Variants in PLCL1 observed in about 807,000 individuals in gnomAD.
The protein encoded by PLCL1 is inactive phospholipase C-like protein 1.
A neutral mutation model predicts 84.4 loss-of-function variants in PLCL1; 41 were observed. That is an observed-to-expected ratio of 0.49 (90% CI 0.38 to 0.63). The LOEUF (loss-of-function observed/expected upper bound fraction) is 0.63. PLCL1 is among the 30% of genes least tolerant of loss of function. The pLI, the probability that PLCL1 is intolerant of heterozygous loss-of-function variation, is 0.00. For synonymous variants in PLCL1, 490 were observed against 488.3 expected (o/e 1.00, Z -0.05); for missense variants, 1,206 against 1,367.8 (o/e 0.88, Z 1.87).
intron 1 of PLCL1, among the ~76,000 whole-genome samples, chr2:197,971,419 G>T (rs1689861531): frequency 6.6e-6 from 1 of 152,180 alleles, no homozygotes; most frequent in Non-Finnish European, 1.5e-5. Context: ...TACCAAATAG[G>T]CTGGAAAACA....
intron 1 of PLCL1, among the ~76,000 whole-genome samples, chr2:197,976,032 A>G (rs938659182): frequency 1.3e-5 from 2 of 151,158 alleles, no homozygotes; most frequent in Non-Finnish European, 3.0e-5. Context: ...TTTTCCCTTA[A>G]TATTTCCCTA....
intron 1 of PLCL1, among the ~76,000 whole-genome samples, chr2:197,836,782 A>G (rs1014666042): frequency 6.6e-6 from 1 of 152,174 alleles, no homozygotes; most frequent in African/African-American, 2.4e-5. Context: ...GTGCAGTGAC[A>G]TGATCATGGC....
chr2:198,029,127 C>A (rs1186033940), intron 1 of PLCL1, among the ~76,000 whole-genome samples: 1 of 152,158 alleles, frequency 6.6e-6, no homozygotes, highest in Non-Finnish European at 1.5e-5. Context: ...CTCTCTGATG[C>A]TGAGACTAAA....
intron 3 of PLCL1, among the ~76,000 whole-genome samples, chr2:198,092,434 G>A (rs1693068292): frequency 1.3e-5 from 2 of 152,172 alleles, no homozygotes; most frequent in Admixed American, 6.5e-5. Context: ...TCAAATTAGA[G>A]TAATTAGCAT....
intron 1 of PLCL1, among the ~76,000 whole-genome samples, chr2:197,916,649 C>A (rs1559044151): frequency 6.6e-6 from 1 of 151,746 alleles, no homozygotes; most frequent in Non-Finnish European, 1.5e-5. Flanking sequence ...GTTAAGAGAG[C>A]AGGCTTTCAG....
intron 1 of PLCL1, among the ~76,000 whole-genome samples, chr2:197,903,179 T>C (rs1468401737): frequency 6.6e-6 from 1 of 152,174 alleles, no homozygotes; most frequent in African/African-American, 2.4e-5. Context: ...TTAAGGATCA[T>C]ATAATAAATG....
At chr2:197,918,468 A>T (rs998645684) in intron 1 of PLCL1, among the ~76,000 whole-genome samples, 1 of 152,244 alleles carries the variant, frequency 6.6e-6, no homozygotes, top group Non-Finnish European at 1.5e-5. Context: ...AACTATAAAA[A>T]CATGTACCAT....
intron 1 of PLCL1, among the ~76,000 whole-genome samples, chr2:197,963,589 A>T (rs1292021644): frequency 6.6e-6 from 1 of 151,994 alleles, no homozygotes; most frequent in Non-Finnish European, 1.5e-5. Flanking sequence ...TTTTAACTTG[A>T]TGTGATCCCA....
At chr2:197,991,127 G>T (rs1690337981) in intron 1 of PLCL1, among the ~76,000 whole-genome samples, 1 of 152,100 alleles carries the variant, frequency 6.6e-6, no homozygotes, top group Admixed American at 6.6e-5. Flanking sequence ...GTGAAGTCGG[G>T]CATCATCCAA....
chr2:197,967,794 T>A (rs778230034), intron 1 of PLCL1, among the ~76,000 whole-genome samples: 10 of 152,218 alleles, frequency 6.6e-5, no homozygotes, highest in Non-Finnish European at 1.3e-4. Context: ...ATCATGCATA[T>A]GAACTTTGAA....
chr2:197,913,625 TCAGA>T (rs1482127785), intron 1 of PLCL1, among the ~76,000 whole-genome samples: 1 of 152,230 alleles, frequency 6.6e-6, no homozygotes, highest in African/African-American at 2.4e-5. Context: ...TAAACATTTA[TCAGA>T]CAGCTTGCTT....
chr2:198,062,419 T>A (rs945278279), intron 1 of PLCL1, among the ~76,000 whole-genome samples: 3 of 152,224 alleles, frequency 2.0e-5, no homozygotes, highest in Admixed American at 1.3e-4. Context: ...CTACAATTTA[T>A]ACGTAACTCA....
chr2:197,928,832 T>C (rs979049394), intron 1 of PLCL1, among the ~76,000 whole-genome samples: 3 of 152,184 alleles, frequency 2.0e-5, no homozygotes, highest in East Asian at 1.9e-4. Context: ...CAGAATCGAT[T>C]CACAATTATG....
At chr2:197,836,754 T>C (rs894780521) in intron 1 of PLCL1, among the ~76,000 whole-genome samples, 4 of 152,230 alleles carry the variant, frequency 2.6e-5, no homozygotes, top group Non-Finnish European at 5.9e-5. Flanking sequence ...AGATGGGTTC[T>C]CTGTTGCTCA....
intron 1 of PLCL1, among the ~76,000 whole-genome samples, chr2:197,897,188 TCTCC>T (rs1688164685): frequency 2.4e-5 from 1 of 41,122 alleles, no homozygotes; most frequent in African/African-American, 9.6e-5. Flanking sequence ...TTCTTCTTCT[TCTCC>T]TTCTCCTTCT....
At chr2:197,892,706 G>T (rs1363997944) in intron 1 of PLCL1, among the ~76,000 whole-genome samples, 1 of 152,160 alleles carries the variant, frequency 6.6e-6, no homozygotes, top group Admixed American at 6.5e-5. Context: ...TTTAAAGATT[G>T]TTTTTGGACC....
At chr2:198,019,737 G>T (rs1295716935) in intron 1 of PLCL1, among the ~76,000 whole-genome samples, 2 of 152,236 alleles carry the variant, frequency 1.3e-5, no homozygotes, top group African/African-American at 4.8e-5. Flanking sequence ...ATGGGACTAT[G>T]TGAAAAGACC....
intron 1 of PLCL1, among the ~76,000 whole-genome samples, chr2:198,078,761 T>G (rs566338551): frequency 6.6e-6 from 1 of 152,276 alleles, no homozygotes; most frequent in Admixed American, 6.5e-5. Context: ...GATGATATAA[T>G]TAGATATTTA....
chr2:197,904,400 C>T (rs1026874361), intron 1 of PLCL1, among the ~76,000 whole-genome samples: 5 of 152,106 alleles, frequency 3.3e-5, no homozygotes, highest in Admixed American at 1.3e-4. Flanking sequence ...AAAAGTCGTT[C>T]CCTTAGATGG....
Sources: allele counts gnomAD v4.1 joint callset (sites outside exome capture counted in the v4.1 genomes callset), GRCh38; gene constraint gnomAD v4.1.1; transcripts MANE v1.5; gene names NCBI Gene and HGNC (gene_info 2026-07-23, HGNC 2026-07-21).